Variants in NSD2 observed in about 807,000 individuals in gnomAD.
The protein encoded by NSD2 is histone-lysine N-methyltransferase NSD2.
Under a neutral mutation model 139.0 loss-of-function variants are expected in NSD2, and 12 were observed. The observed-to-expected ratio is 0.09, with a 90% CI of 0.06 to 0.14. The LOEUF is 0.14. Ranked by LOEUF, NSD2 falls within the 10% of genes least tolerant of loss-of-function variation. NSD2 has a pLI of 1.00. For synonymous variants in NSD2, 669 were observed against 648.7 expected (o/e 1.03, Z -0.48); for missense variants, 1,155 against 1,745.0 (o/e 0.66, Z 6.02).
intron 20 of NSD2, chr4:1,975,680 G>T (rs937590088): frequency 7.5e-5 from 26 of 346,334 alleles, no homozygotes; most frequent in African/African-American, 2.5e-4. Context: ...CCCTCTGAAG[G>T]TTCCTTGGGA....
rs999770385 is a variant in NSD2 at position 1,956,954 on chromosome 4, C to G, written c.2881+766C>G. 2.0e-5 allele frequency among the ~76,000 whole-genome samples: 3 copies of G among 152,138 alleles called. No homozygotes were observed. The highest frequency in any genetic ancestry group is 1.3e-4 in the Admixed American group (2 of 15,276). ...GTGCATGGTGGGCATTCAGAGATCT[C>G]ATAAAGAATGGGTAGGCATTGAAAG... On this transcript the variant is annotated intron_variant, in intron 15 of 21. Transcript: ENST00000508803. The surrounding 1 kb of genome is among the most constrained non-coding windows in gnomAD (Gnocchi z 5.3).
rs572639628 is a variant in NSD2, at chr4:1,901,792, G to T, written c.597+541G>T. ...AGCCAGGTGGTCCAGCAGATGGCCT[G>T]CCTCCCTGAGGCCTAGGGATGTGTC... On this transcript the variant is annotated intron_variant, in intron 2 of 21. Coordinates refer to ENST00000508803, the MANE Select transcript of NSD2 (RefSeq NM_001042424.3). Among the ~76,000 whole-genome samples the T allele has an allele frequency of 2.6e-3, 394 of 152,346 alleles. 4 individuals are homozygous for T. Among genetic ancestry groups the T allele is most frequent in the African/African-American group, 9.0e-3 (373 of 41,574 alleles).
At chr4:1,943,730 A>G (rs1723337191) in intron 9 of NSD2, 1 of 1,056,662 alleles carries the variant, frequency 9.5e-7, no homozygotes, top group Middle Eastern at 4.3e-4. Context: ...AATTCTCAAA[A>G]AAAAACCCCA....
In NSD2 at chr4:1,948,551, AGG is replaced by A. The variant is rs1207933561; in HGVS notation, c.1882-2517_1882-2516del. ...GCTAGTTGTCTGTCCGGTGGCTGGG[AGG>A]GGGTGTGGTGGGAAAAAGTCGGAAT... On this transcript the variant is annotated intron_variant, in intron 9 of 21. Transcript: ENST00000508803. The surrounding 1 kb of genome is among the most constrained non-coding windows in gnomAD (Gnocchi z 4.5). 1 of 1,063,678 alleles carries A rather than the reference AGG, an allele frequency of 9.4e-7. No individual in the cohort carries two copies. Among genetic ancestry groups the A allele is most frequent in the South Asian group, 4.6e-5 (1 of 21,944 alleles). 65.9% of individuals were successfully genotyped at this position (1,063,678 alleles called of 1,614,324 possible).
Position 1,975,400 on chromosome 4 carries a change from G to A in NSD2, c.3621G>A (p.Lys1207=). ...GTGGATTCCTCGGGGATAGACCAAAGGTAAGGCTGTGGCGCCCTCCTTCCC... is the reference window on the plus strand; with the variant it reads ...GTGGATTCCTCGGGGATAGACCAAAAGTAAGGCTGTGGCGCCCTCCTTCCC... The part of the protein sequence containing the change: ...NCSGFLGDRP[K]TSTTLSSEEK... The change falls in exon 20 of 22, where the codon AAG becomes AAA. Residue 1207 remains lysine, a splice_region_variant and synonymous_variant. Transcript: ENST00000508803. The A allele has an allele frequency of 1.9e-6, 3 of 1,613,976 alleles. No individual in the cohort carries two copies. In the South Asian group the frequency reaches 3.3e-5, roughly 18 times the overall value.
rs1422056892 is a variant in NSD2 at position 1,973,415 on chromosome 4, C to T, written c.3373-1448C>T. On this transcript the variant is annotated intron_variant, in intron 18 of 21. Transcript: ENST00000508803. The surrounding 1 kb of genome is among the most constrained non-coding windows in gnomAD (Gnocchi z 5.5). ...TGCTGTCCTCGTCCCCAGGGCCCTG[C>T]AGAAGTGGTGTGCATGCCAACGTGC... Among the ~76,000 whole-genome samples, 1 of 152,222 alleles carries T rather than the reference C, an allele frequency of 6.6e-6. No homozygotes were observed. The highest frequency in any genetic ancestry group is 1.5e-5 in the Non-Finnish European group (1 of 68,036).
chr4:1,941,733 T>G, intron 9 of NSD2: 2 of 1,047,514 alleles, frequency 1.9e-6, no homozygotes, highest in Non-Finnish European at 2.3e-6. Context: ...TAAACTACTT[T>G]TGTATGGCTT....
At chr4:1,920,157 C>A (rs970454709) in intron 5 of NSD2, among the ~76,000 whole-genome samples, 1 of 152,010 alleles carries the variant, frequency 6.6e-6, no homozygotes, top group East Asian at 1.9e-4. Flanking sequence ...TTGAGTGATG[C>A]CTTCAAGAGT....
rs1715111255 is a variant in NSD2 at position 1,886,366 on chromosome 4, C to T, written c.-29-14260C>T. On this transcript the variant is annotated intron_variant, in intron 1 of 21. Transcript: ENST00000508803. ...GTATTACAGGTGTGCACCACTATGC[C>T]CAGCTAATTTTTGTATTTTTAATAG... is the stretch of plus-strand genomic sequence containing the variant. 4.6e-5 allele frequency among the ~76,000 whole-genome samples: 7 copies of T among 152,134 alleles called. No individual in the cohort carries two copies. The South Asian group carries it at 1.5e-3, about 32-fold the overall frequency.
Position 1,955,645 on chromosome 4 carries a change from A to G in NSD2, c.2519-48A>G. On this transcript the variant is annotated intron_variant, in intron 13 of 21. Coordinates refer to ENST00000508803, the MANE Select transcript of NSD2 (RefSeq NM_001042424.3). This position sits in a 1 kb window ranked among gnomAD's most constrained non-coding sequence, Gnocchi z 4.7. Reference sequence around the variant, plus strand: ...ACTGTGAAGCACTGAATCTGGGCTGAGCCATAGCAGACAGGCTAAGCCTGG... The same window carrying G: ...ACTGTGAAGCACTGAATCTGGGCTGGGCCATAGCAGACAGGCTAAGCCTGG... 1 of 1,566,616 alleles carries G rather than the reference A, an allele frequency of 6.4e-7. No individual in the cohort carries two copies. Among genetic ancestry groups the G allele is most frequent in the Middle Eastern group, 1.8e-4 (1 of 5,706 alleles).
intron 5 of NSD2, among the ~76,000 whole-genome samples, chr4:1,928,293 A>G (rs1171582738): frequency 4.6e-5 from 7 of 152,202 alleles, no homozygotes; most frequent in East Asian, 1.9e-4. Flanking sequence ...GTACAAAAGT[A>G]TATCTAGTAC....
chr4:1,939,086 C>G (rs1414800227), intron 8 of NSD2, among the ~76,000 whole-genome samples: 1 of 152,076 alleles, frequency 6.6e-6, no homozygotes, highest in African/African-American at 2.4e-5. Flanking sequence ...CATACCTTCT[C>G]CAACTCTTAA....
rs1186220429 is a variant in NSD2 at position 1,975,415 on chromosome 4, C to T, written c.3621+15C>T. ...ATAGACCAAAGGTAAGGCTGTGGCG[C>T]CCTCCTTCCCCCCAGGCTCTGTGTT... On this transcript the variant is annotated intron_variant, in intron 20 of 21. Coordinates refer to ENST00000508803, the MANE Select transcript of NSD2 (RefSeq NM_001042424.3). 3.1e-6 allele frequency: 5 copies of T among 1,609,836 alleles called. No homozygotes were observed. Among genetic ancestry groups the T allele is most frequent in the Admixed American group, 3.3e-5 (2 of 59,984 alleles).
rs1427508811 is a variant in NSD2, at chr4:1,973,597, T to G, written c.3373-1266T>G. On this transcript the variant is annotated intron_variant, in intron 18 of 21. Transcript: ENST00000508803. This position sits in a 1 kb window ranked among gnomAD's most constrained non-coding sequence, Gnocchi z 5.5. Reference sequence around the variant, plus strand: ...GAGAACCACATTCTGGTACCATTTCTGGTTTTAAAGGGTGGCCTGTGTGGG... The same window carrying G: ...GAGAACCACATTCTGGTACCATTTCGGGTTTTAAAGGGTGGCCTGTGTGGG... Among the ~76,000 whole-genome samples the G allele has an allele frequency of 1.3e-5, 2 of 152,238 alleles. No homozygotes were observed. Among genetic ancestry groups the G allele is most frequent in the African/African-American group, 2.4e-5 (1 of 41,476 alleles).
At chr4:1,907,223 T>C (rs1182143927) in intron 3 of NSD2, among the ~76,000 whole-genome samples, 4 of 152,194 alleles carry the variant, frequency 2.6e-5, no homozygotes, top group African/African-American at 7.2e-5. Context: ...ATGCTCGTAT[T>C]AGCAATTGTC....
At chr4:1,901,419 G>A (rs1294043362) in intron 2 of NSD2, among the ~76,000 whole-genome samples, 168 bp downstream of exon 2, 1 of 152,226 alleles carries the variant, frequency 6.6e-6, no homozygotes, top group Non-Finnish European at 1.5e-5. Context: ...GTGGGCTCCA[G>A]GATGCCCTGG....
chr4:1,938,573 C>A, intron 8 of NSD2, 41 bp downstream of exon 8: 1 of 1,540,570 alleles, frequency 6.5e-7, no homozygotes, highest in Non-Finnish European at 8.9e-7. Flanking sequence ...CTTCTGGGTG[C>A]CCAGGCTGGG....
At chr4:1,967,266 A>G (rs1268514674) in intron 18 of NSD2, among the ~76,000 whole-genome samples, 2 of 152,190 alleles carry the variant, frequency 1.3e-5, no homozygotes, top group African/African-American at 2.4e-5. Context: ...ACTAGTAGAG[A>G]GATTGACTCA....
intron 1 of NSD2, among the ~76,000 whole-genome samples, chr4:1,878,277 T>G (rs1256458941): frequency 7.8e-6 from 1 of 127,664 alleles, no homozygotes. Context: ...TTTTTTTTTT[T>G]TTTTTTTGTA....
Sources: allele counts gnomAD v4.1 joint callset (sites outside exome capture counted in the v4.1 genomes callset), GRCh38; gene constraint gnomAD v4.1.1; non-coding constraint Gnocchi (gnomAD v3.1); transcripts MANE v1.5; gene names NCBI Gene and HGNC (gene_info 2026-07-23, HGNC 2026-07-21).